AUTS2: variants seen among roughly 807,000 people sequenced by gnomAD.
AUTS2 encodes autism susceptibility gene 2 protein.
A neutral mutation model predicts 112.4 loss-of-function variants in AUTS2; 17 were observed. The ratio of observed to expected loss-of-function variants is 0.15; its 90% CI spans 0.10 to 0.23. AUTS2 has a LOEUF of 0.23. Among genes scored for constraint, AUTS2 ranks in the 10% least tolerant of loss-of-function variants. The pLI is 1.00. For synonymous variants in AUTS2, 751 were observed against 702.7 expected (o/e 1.07, Z -1.09); for missense variants, 1,510 against 1,701.6 (o/e 0.89, Z 1.98).
At chr7:70,091,900 T>C (rs1241354161) in intron 2 of AUTS2, among the ~76,000 whole-genome samples, 1 of 152,180 alleles carries the variant, frequency 6.6e-6, no homozygotes. Flanking sequence ...TAATTTGCTG[T>C]GGTGACATAC....
intron 5 of AUTS2, among the ~76,000 whole-genome samples, chr7:70,521,249 T>C (rs1585249948): frequency 6.6e-6 from 1 of 152,178 alleles, no homozygotes; most frequent in South Asian, 2.1e-4. Context: ...GCTTTTATTC[T>C]GAAGGCTAGT....
chr7:69,921,331 T>G (rs1345192319), intron 2 of AUTS2, among the ~76,000 whole-genome samples: 24 of 145,616 alleles, frequency 1.6e-4, no homozygotes, highest in Middle Eastern at 3.5e-3. Flanking sequence ...CTTGAAGTTT[T>G]TTTTTTTTTT....
chr7:69,724,314 G>A (rs554352145), intron 1 of AUTS2, among the ~76,000 whole-genome samples: 65 of 152,290 alleles, frequency 4.3e-4, no homozygotes, highest in Non-Finnish European at 3.7e-4. Context: ...GGAAAGGAGA[G>A]CAACCTGCTA....
intron 5 of AUTS2, among the ~76,000 whole-genome samples, chr7:70,491,244 T>C (rs976018609): frequency 6.6e-6 from 1 of 152,064 alleles, no homozygotes; most frequent in Non-Finnish European, 1.5e-5. Flanking sequence ...TCTCTGTCTT[T>C]CATCTGTCCT....
chr7:70,195,662 C>T (rs140543638), intron 4 of AUTS2, among the ~76,000 whole-genome samples: 1 of 152,262 alleles, frequency 6.6e-6, no homozygotes, highest in African/African-American at 2.4e-5. Flanking sequence ...AAGAACAAAA[C>T]AAAACCAAAA....
chr7:70,645,574 G>T (rs1373964297), intron 5 of AUTS2, among the ~76,000 whole-genome samples: 5 of 152,106 alleles, frequency 3.3e-5, no homozygotes, highest in Non-Finnish European at 7.4e-5. Flanking sequence ...TGGCCGCTCT[G>T]TTCTGGGCAG....
At chr7:70,560,493 G>A (rs555876224) in intron 5 of AUTS2, among the ~76,000 whole-genome samples, 1 of 152,328 alleles carries the variant, frequency 6.6e-6, no homozygotes, top group East Asian at 1.9e-4. Flanking sequence ...TGGAAATGGA[G>A]TTTTAAAACA....
intron 5 of AUTS2, among the ~76,000 whole-genome samples, chr7:70,544,869 C>A (rs1800706773): frequency 6.6e-6 from 1 of 152,036 alleles, no homozygotes; most frequent in South Asian, 2.1e-4. Flanking sequence ...TTACCTGGGT[C>A]TCAGTTCTGA....
chr7:69,975,620 G>A (rs1798023143), intron 2 of AUTS2, among the ~76,000 whole-genome samples: 1 of 151,130 alleles, frequency 6.6e-6, no homozygotes, highest in Non-Finnish European at 1.5e-5. Context: ...TGTTCTTTCA[G>A]TTCACTGATT....
chr7:69,733,716 T>C (rs1406910083), intron 1 of AUTS2, among the ~76,000 whole-genome samples: 1 of 152,198 alleles, frequency 6.6e-6, no homozygotes, highest in Non-Finnish European at 1.5e-5. Context: ...CTAGCATCCT[T>C]AGTGTGGGGG....
chr7:70,095,271 T>TGTGC (rs1562687451), intron 2 of AUTS2, among the ~76,000 whole-genome samples: 2 of 152,262 alleles, frequency 1.3e-5, no homozygotes, highest in South Asian at 2.1e-4. Context: ...TGTGTGTGTG[T>TGTGC]GTGCGTGCGT....
intron 5 of AUTS2, among the ~76,000 whole-genome samples, chr7:70,530,279 G>A (rs1449909720): frequency 6.6e-6 from 1 of 152,198 alleles, no homozygotes; most frequent in Non-Finnish European, 1.5e-5. Flanking sequence ...GGCTTATGAA[G>A]CTTATGGTTC....
chr7:69,700,226 G>A (rs1035817001), intron 1 of AUTS2, among the ~76,000 whole-genome samples: 1 of 152,022 alleles, frequency 6.6e-6, no homozygotes, highest in African/African-American at 2.4e-5. Flanking sequence ...GTAATGTTGA[G>A]CATTATTTAC....
chr7:70,247,174 A>G (rs1812969103), intron 4 of AUTS2, among the ~76,000 whole-genome samples: 1 of 152,196 alleles, frequency 6.6e-6, no homozygotes, highest in South Asian at 2.1e-4. Flanking sequence ...ACAATGGAAT[A>G]TTATTCAGCC....
chr7:70,262,127 A>T (rs557899711), intron 4 of AUTS2, among the ~76,000 whole-genome samples: 16 of 152,210 alleles, frequency 1.1e-4, no homozygotes, highest in Non-Finnish European at 2.1e-4. Context: ...TTAGCATTCT[A>T]TGGCTATTGT....
intron 4 of AUTS2, among the ~76,000 whole-genome samples, chr7:70,259,163 C>A (rs971333813): frequency 6.6e-6 from 1 of 152,232 alleles, no homozygotes; most frequent in East Asian, 1.9e-4. Context: ...ATTCTGTCCA[C>A]GATGCGAGCA....
intron 5 of AUTS2, among the ~76,000 whole-genome samples, chr7:70,654,877 C>A (rs1403678270): frequency 6.6e-6 from 1 of 152,186 alleles, no homozygotes; most frequent in Admixed American, 6.5e-5. Context: ...CTTTAAAAAT[C>A]CTCACTTCTC....
intron 5 of AUTS2, among the ~76,000 whole-genome samples, chr7:70,644,205 CAA>C (rs995654318): frequency 6.6e-6 from 1 of 152,108 alleles, no homozygotes; most frequent in African/African-American, 2.4e-5. Flanking sequence ...AGGGAACAAA[CAA>C]AGAATAAATT....
intron 4 of AUTS2, among the ~76,000 whole-genome samples, chr7:70,285,583 T>G (rs1324577406): frequency 6.6e-6 from 1 of 152,244 alleles, no homozygotes; most frequent in Non-Finnish European, 1.5e-5. Flanking sequence ...ATATACATGT[T>G]GTCTTTTTTT....
Sources: gnomAD v4.1 joint callset for allele counts (sites outside exome capture counted in the v4.1 genomes callset) on GRCh38, gnomAD v4.1.1 for gene constraint, MANE v1.5 for transcripts, NCBI Gene and HGNC (gene_info 2026-07-23, HGNC 2026-07-21) for gene names.